The following TMEM117 variants were observed in gnomAD, a reference collection of about 807,000 sequenced individuals.
TMEM117 encodes the protein transmembrane protein 117.
TMEM117 carries 27 observed loss-of-function variants against 52.4 expected under a neutral mutation model. That is an observed-to-expected ratio of 0.51 (90% CI 0.38 to 0.71). The LOEUF (loss-of-function observed/expected upper bound fraction) is 0.71. TMEM117 is among the 30% of genes least tolerant of loss of function. The probability of loss-of-function intolerance (pLI) is 0.00; values close to 1 mark genes in which losing one functional copy is unlikely to be tolerated. For synonymous variants in TMEM117, 215 were observed against 206.3 expected, an observed-to-expected ratio of 1.04 and a Z score of -0.36; for missense variants, 556 against 630.5, an observed-to-expected ratio of 0.88 and a Z score of 1.26.
the TMEM117 span, among the ~76,000 whole-genome samples, chr12:43,822,279 CTTG>C: frequency 6.6e-6 from 1 of 152,110 alleles, no homozygotes; most frequent in African/African-American, 2.4e-5. Flanking sequence ...TTTTTATTTT[CTTG>C]TTGTTAAATT....
chr12:44,182,237 G>C (rs1230627677), intron 4 of TMEM117, among the ~76,000 whole-genome samples: 4 of 152,164 alleles, frequency 2.6e-5, no homozygotes, highest in African/African-American at 9.7e-5. Flanking sequence ...TTGATTATCA[G>C]CTTATGGAGA....
At chr12:43,851,729 A>G (rs1269151367) in intron 2 of TMEM117, among the ~76,000 whole-genome samples, 1 of 152,198 alleles carries the variant, frequency 6.6e-6, no homozygotes, top group African/African-American at 2.4e-5. Context: ...TTTTGATTTC[A>G]TGGGTTTCAA....
chr12:44,380,699 G>A (rs941533997), intron 7 of TMEM117, among the ~76,000 whole-genome samples: 3 of 152,056 alleles, frequency 2.0e-5, no homozygotes, highest in African/African-American at 4.8e-5. Context: ...TTATGACGCT[G>A]CCTGCCATGT....
intron 2 of TMEM117, among the ~76,000 whole-genome samples, chr12:43,939,293 T>G (rs143957421): frequency 8.5e-5 from 13 of 152,310 alleles, no homozygotes; most frequent in African/African-American, 3.1e-4. Flanking sequence ...TATATAGGTT[T>G]TAGAGCAGAA....
intron 6 of TMEM117, among the ~76,000 whole-genome samples, chr12:44,340,142 T>C (rs936289908): frequency 5.3e-5 from 8 of 152,228 alleles, no homozygotes; most frequent in Middle Eastern, 3.4e-3. Flanking sequence ...AGGTAAATTA[T>C]TCAGTAACCT....
At chr12:43,843,907 A>G (rs1943156224) in intron 1 of TMEM117, among the ~76,000 whole-genome samples, 1 of 152,242 alleles carries the variant, frequency 6.6e-6, no homozygotes. Flanking sequence ...TTAGAAGAAG[A>G]TCTGAAAGTA....
intron 3 of TMEM117, among the ~76,000 whole-genome samples, chr12:43,953,679 T>G (rs1945260839): frequency 6.6e-6 from 1 of 152,144 alleles, no homozygotes; most frequent in African/African-American, 2.4e-5. Flanking sequence ...CAAAGAGACT[T>G]AGACCCCCAC....
intron 5 of TMEM117, among the ~76,000 whole-genome samples, chr12:44,278,739 A>G (rs775161028): frequency 6.6e-6 from 1 of 152,248 alleles, no homozygotes; most frequent in Non-Finnish European, 1.5e-5. Flanking sequence ...GGTTTTGCCC[A>G]TAAATATCTA....
chr12:43,974,172 T>C (rs1945635489), intron 3 of TMEM117, among the ~76,000 whole-genome samples: 1 of 152,162 alleles, frequency 6.6e-6, no homozygotes, highest in African/African-American at 2.4e-5. Flanking sequence ...TGGAAAGATT[T>C]ATTTGTTTCA....
chr12:43,890,401 A>C (rs1282944658), intron 2 of TMEM117, among the ~76,000 whole-genome samples: 1 of 152,214 alleles, frequency 6.6e-6, no homozygotes, highest in Non-Finnish European at 1.5e-5. Context: ...CTCTTCATTC[A>C]AATGAGAATC....
In TMEM117 at chr12:44,102,285, ATAGTT is replaced by A. The variant is rs559227906; in HGVS notation, c.411-41237_411-41233del. Among the ~76,000 whole-genome samples the A allele has an allele frequency of 2.2e-4, 33 of 152,146 alleles. No homozygotes were observed. In the South Asian group the frequency reaches 6.8e-3, roughly 32 times the overall value. On this transcript the variant is annotated intron_variant, in intron 3 of 7. Coordinates refer to ENST00000266534, the MANE Select transcript of TMEM117 (RefSeq NM_032256.3). ...ACATTAAGGGAATCGGCTATCTAGA[ATAGTT>A]TATTCATTAAACTCCCCAAATCTGT...
At chr12:43,882,462 A>AAG (rs1943915728) in intron 2 of TMEM117, among the ~76,000 whole-genome samples, 1 of 145,814 alleles carries the variant, frequency 6.9e-6, no homozygotes, top group South Asian at 2.2e-4. Flanking sequence ...CTTCATCTCA[A>AAG]AAAAAAAAAA....
intron 3 of TMEM117, among the ~76,000 whole-genome samples, chr12:44,100,720 T>C (rs1321939093): frequency 6.6e-6 from 1 of 152,006 alleles, no homozygotes; most frequent in Non-Finnish European, 1.5e-5. Flanking sequence ...TTTCTATCAC[T>C]CAGTATTTAC....
At chr12:44,160,272 T>A (rs945111017) in intron 4 of TMEM117, among the ~76,000 whole-genome samples, 2 of 151,986 alleles carry the variant, frequency 1.3e-5, no homozygotes, top group African/African-American at 4.8e-5. Context: ...TACATACACA[T>A]ACACATATGT....
chr12:44,257,846 A>G (rs556417399), intron 5 of TMEM117, among the ~76,000 whole-genome samples: 6 of 152,128 alleles, frequency 3.9e-5, no homozygotes, highest in Admixed American at 2.6e-4. Flanking sequence ...AATAAAGTAT[A>G]TATTATGCAC....
rs114428518 is a variant in TMEM117, at chr12:44,243,289, G to C, written c.608+31902G>C. ...TTCAATGATAGCATTATCAGATTTA[G>C]GTCAGAATAGAACTAATGTCTTTAT... On this transcript the variant is annotated intron_variant, in intron 5 of 7. Coordinates refer to ENST00000266534, the MANE Select transcript of TMEM117 (RefSeq NM_032256.3). Among the ~76,000 whole-genome samples, 688 of 151,834 alleles carry C rather than the reference G, an allele frequency of 4.5e-3. 4 individuals carry two copies. The highest frequency in any genetic ancestry group is 0.016 in the African/African-American group (663 of 41,482).
the TMEM117 span, among the ~76,000 whole-genome samples, chr12:43,819,855 A>T: frequency 3.3e-5 from 5 of 152,164 alleles, no homozygotes; most frequent in Non-Finnish European, 7.4e-5. Context: ...GGGCATCATT[A>T]CAGTATGAAA....
At chr12:44,256,074 A>G (rs1950257090) in intron 5 of TMEM117, among the ~76,000 whole-genome samples, 2 of 152,086 alleles carry the variant, frequency 1.3e-5, no homozygotes, top group South Asian at 2.1e-4. Context: ...ACTAGTTAGG[A>G]ACATCATTTG....
At chr12:44,311,043 T>G (rs1950967981) in intron 6 of TMEM117, among the ~76,000 whole-genome samples, 1 of 152,166 alleles carries the variant, frequency 6.6e-6, no homozygotes, top group Non-Finnish European at 1.5e-5. Context: ...GTTTATTGCA[T>G]TTGAAGATGT....
Sources: gnomAD v4.1 joint callset for allele counts (sites outside exome capture counted in the v4.1 genomes callset) on GRCh38, gnomAD v4.1.1 for gene constraint, MANE v1.5 for transcripts, NCBI Gene and HGNC (gene_info 2026-07-23, HGNC 2026-07-21) for gene names.